The following TRAPPC12 variants were observed in gnomAD, a reference collection of about 807,000 sequenced individuals.
TRAPPC12 encodes the protein TPR repeat protein 15.
Under a neutral mutation model 69.2 loss-of-function variants are expected in TRAPPC12, and 61 were observed. The ratio of observed to expected loss-of-function variants is 0.88; its 90% CI spans 0.72 to 1.09. TRAPPC12 has a LOEUF of 1.09. TRAPPC12 is among the 50% of genes least tolerant of loss of function. The pLI, the probability that TRAPPC12 is intolerant of heterozygous loss-of-function variation, is 0.00. For missense variants in TRAPPC12, 1,101 were observed against 1,016.4 expected (o/e 1.08, Z -1.13); for synonymous variants, 469 against 438.9 (o/e 1.07, Z -0.86).
chr2:3,395,560 C>CTTTTTTTTTTTTTTTTTTT (rs10671671), intron 2 of TRAPPC12, among the ~76,000 whole-genome samples: 1 of 118,148 alleles, frequency 8.5e-6, no homozygotes, highest in Non-Finnish European at 1.7e-5. Context: ...AAAATTATTA[C>CTTTTTTTTTTTTTTTTTTT]TTTTTTTTTT....
At chr2:3,442,338 C>G (rs1372848060) in intron 5 of TRAPPC12, among the ~76,000 whole-genome samples, 1 of 152,080 alleles carries the variant, frequency 6.6e-6, no homozygotes, top group Non-Finnish European at 1.5e-5. Flanking sequence ...TGATTCTGGC[C>G]CCTTCTCTAC....
chr2:3,474,140 C>T (rs548483079), intron 9 of TRAPPC12, among the ~76,000 whole-genome samples: 1 of 152,336 alleles, frequency 6.6e-6, no homozygotes, highest in South Asian at 2.1e-4. Context: ...AACTGGAGCT[C>T]TCCCCCACCC....
rs56696245 is a variant in TRAPPC12 at position 3,415,396 on chromosome 2, C to CTTCTTTTCTTTTCTTTTCTTTTCTT, written c.1165-6482_1165-6458dup. Among the ~76,000 whole-genome samples, 234 of 150,572 alleles carry CTTCTTTTCTTTTCTTTTCTTTTCTT rather than the reference C, an allele frequency of 1.6e-3. 2 individuals are homozygous for CTTCTTTTCTTTTCTTTTCTTTTCTT. Among genetic ancestry groups the CTTCTTTTCTTTTCTTTTCTTTTCTT allele is most frequent in the African/African-American group, 5.6e-3 (226 of 40,634 alleles). On this transcript the variant is annotated intron_variant, in intron 3 of 11. Transcript: ENST00000324266. ...TTCAGTAGGTTAGATGGTGCATTCA[C>CTTCTTTTCTTTTCTTTTCTTTTCTT]TTCTTTTCTTTTCTTTTCTTTTCTT...
At chr2:3,410,845 C>T (rs1662015798) in intron 3 of TRAPPC12, among the ~76,000 whole-genome samples, 1 of 152,164 alleles carries the variant, frequency 6.6e-6, no homozygotes, top group Non-Finnish European at 1.5e-5. Flanking sequence ...TCCAGGCCAA[C>T]ATGGTGAAAC....
chr2:3,465,980 G>A lies in TRAPPC12; in HGVS notation c.1776+285G>A, dbSNP rs1008166177. Among the ~76,000 whole-genome samples the A allele has an allele frequency of 3.9e-5, 6 of 152,284 alleles. No homozygotes were observed. In the South Asian group the frequency reaches 1.0e-3, roughly 26 times the overall value. ...CTAGACATTGTCCTGCTGCAGTTAC[G>A]AAAGCACTGACTAAACCGTGAGGAA... is the stretch of plus-strand genomic sequence containing the variant. On this transcript the variant is annotated intron_variant, in intron 9 of 11. Coordinates refer to ENST00000324266, the MANE Select transcript of TRAPPC12 (RefSeq NM_016030.6).
intron 6 of TRAPPC12, among the ~76,000 whole-genome samples, chr2:3,452,615 A>C (rs1397465234): frequency 6.6e-6 from 1 of 152,052 alleles, no homozygotes; most frequent in African/African-American, 2.4e-5. Flanking sequence ...TGGGAGGCCC[A>C]TGGGCTCCGA....
Position 3,414,616 on chromosome 2 carries a change from T to A in TRAPPC12, c.1165-7265T>A, listed in dbSNP as rs1375506396. On this transcript the variant is annotated intron_variant, in intron 3 of 11. Coordinates refer to ENST00000324266, the MANE Select transcript of TRAPPC12 (RefSeq NM_016030.6). The surrounding 1 kb of genome is among the most constrained non-coding windows in gnomAD (Gnocchi z 4.9). ...GTGTGTCGGCCCGTTTCCTGAATCC[T>A]CAGGCATCAGTGCCTCACAGAGCTG... Among the ~76,000 whole-genome samples the A allele has an allele frequency of 6.7e-6, 1 of 149,204 alleles. No homozygotes were observed. The highest frequency in any genetic ancestry group is 1.5e-5 in the Non-Finnish European group (1 of 67,566).
chr2:3,406,384 T>C (rs770231885), intron 3 of TRAPPC12, among the ~76,000 whole-genome samples: 5 of 152,204 alleles, frequency 3.3e-5, no homozygotes, highest in Non-Finnish European at 7.3e-5. Context: ...TTTACCGTAT[T>C]TACAGAAGCG....
At chr2:3,448,111 T>C (rs1459230957) in intron 6 of TRAPPC12, among the ~76,000 whole-genome samples, 2 of 152,158 alleles carry the variant, frequency 1.3e-5, no homozygotes, top group Non-Finnish European at 2.9e-5. Flanking sequence ...GATTACCCCC[T>C]ACTAATGCCC....
At chr2:3,440,079 C>G (rs980471327) in intron 5 of TRAPPC12, among the ~76,000 whole-genome samples, 1 of 152,156 alleles carries the variant, frequency 6.6e-6, no homozygotes, top group Non-Finnish European at 1.5e-5. Flanking sequence ...CACACAGTCA[C>G]CCAGTCTTTT....
chr2:3,433,121 G>A (rs1484881932), intron 5 of TRAPPC12, among the ~76,000 whole-genome samples: 3 of 152,146 alleles, frequency 2.0e-5, no homozygotes, highest in Non-Finnish European at 4.4e-5. Flanking sequence ...GTGTGACACT[G>A]TGTGCTTGGC....
At chr2:3,420,545 A>G (rs1370792251) in intron 3 of TRAPPC12, among the ~76,000 whole-genome samples, 2 of 152,122 alleles carry the variant, frequency 1.3e-5, no homozygotes, top group Non-Finnish European at 2.9e-5. Flanking sequence ...GCCATTGCTG[A>G]GCCTGCAGTG....
intron 5 of TRAPPC12, among the ~76,000 whole-genome samples, chr2:3,438,781 G>T (rs1001910361): frequency 3.3e-5 from 5 of 152,114 alleles, no homozygotes; most frequent in Admixed American, 1.3e-4. Context: ...TCTTATCTCT[G>T]AATAATATTC....
At chr2:3,458,403 G>T in intron 7 of TRAPPC12, 1 of 985,958 alleles carries the variant, frequency 1.0e-6, no homozygotes, top group Non-Finnish European at 1.2e-6. Flanking sequence ...CCTTCCCACA[G>T]CTTCTGTCCT....
chr2:3,389,397 C>T (rs926664349), intron 2 of TRAPPC12, among the ~76,000 whole-genome samples: 2 of 152,208 alleles, frequency 1.3e-5, no homozygotes, highest in East Asian at 1.9e-4. Flanking sequence ...CTGCTCCAAC[C>T]GCCAGCATAG....
chr2:3,393,421 A>T (rs935074922), intron 2 of TRAPPC12, among the ~76,000 whole-genome samples: 2 of 152,202 alleles, frequency 1.3e-5, no homozygotes, highest in Admixed American at 1.3e-4. Context: ...ATGTACATTT[A>T]ACATGGTGAC....
intron 3 of TRAPPC12, among the ~76,000 whole-genome samples, chr2:3,415,595 A>G (rs33997548): frequency 0.64 from 96,725 of 151,548 alleles, 31,343 homozygotes; most frequent in African/African-American, 0.76. Context: ...GTGGAACTGG[A>G]ATTTCACCAT....
intron 4 of TRAPPC12, among the ~76,000 whole-genome samples, chr2:3,423,385 T>C (rs936530311): frequency 3.3e-5 from 5 of 151,924 alleles, no homozygotes; most frequent in African/African-American, 1.2e-4. Flanking sequence ...TCTTAGCAAT[T>C]TTTAGTATAC....
At chr2:3,402,330 A>G (rs1020250921) in intron 3 of TRAPPC12, among the ~76,000 whole-genome samples, 11 of 152,302 alleles carry the variant, frequency 7.2e-5, no homozygotes, top group South Asian at 4.2e-4. Context: ...AGTGGCTCAC[A>G]CCTGTAATCC....
Sources: gnomAD v4.1 joint callset for allele counts (sites outside exome capture counted in the v4.1 genomes callset) on GRCh38, gnomAD v4.1.1 for gene constraint, Gnocchi (gnomAD v3.1) non-coding constraint, MANE v1.5 for transcripts, NCBI Gene and HGNC (gene_info 2026-07-23, HGNC 2026-07-21) for gene names.